Variants in LRP1B observed in about 807,000 individuals in gnomAD.
LRP1B encodes low-density lipoprotein receptor-related protein 1B.
A neutral mutation model predicts 556.6 loss-of-function variants in LRP1B; 217 were observed. The ratio of observed to expected loss-of-function variants is 0.39; its 90% CI spans 0.35 to 0.44. The LOEUF (loss-of-function observed/expected upper bound fraction) is 0.44, where lower values mean the gene tolerates loss of function less well. Ranked by LOEUF, LRP1B falls within the 20% of genes least tolerant of loss-of-function variation. The pLI is 1.00. For synonymous variants in LRP1B, 2,047 were observed against 1,865.8 expected (o/e 1.10, Z -2.50); for missense variants, 5,053 against 5,620.8 (o/e 0.90, Z 3.23).
At chr2:141,023,774 A>G (rs1025553654) in intron 11 of LRP1B, among the ~76,000 whole-genome samples, 4 of 152,196 alleles carry the variant, frequency 2.6e-5, no homozygotes, top group Admixed American at 6.6e-5. Context: ...TTTGAGGCAT[A>G]TAATAAGAAA....
chr2:141,381,016 G>C (rs117171315), intron 3 of LRP1B, among the ~76,000 whole-genome samples: 7,355 of 152,076 alleles, frequency 0.048, 213 homozygotes, highest in South Asian at 0.08. Flanking sequence ...GAGTTAGTTA[G>C]TCAAGAAAAG....
rs776159538 is a variant in LRP1B at position 140,601,534 on chromosome 2, C to A, written c.6905G>T (p.Arg2302Leu). Residue 2302 changes from arginine to leucine, a missense_variant, in exon 42 of 91, where the codon CGG becomes CTG. Coordinates refer to ENST00000389484, the MANE Select transcript of LRP1B (RefSeq NM_018557.3). ...SITRHTVDQTRPGAFDREAVI... is the reference protein window; with the variant it reads ...SITRHTVDQTLPGAFDREAVI... ...AGCTTCCCTGTCAAATGCTCCAGGC[C>A]GAGTCTGGTCCACAGTGTGTCTGGT... The A allele has an allele frequency of 6.2e-7, 1 of 1,613,056 alleles. No homozygotes were observed. The highest frequency in any genetic ancestry group is 8.5e-7 in the Non-Finnish European group (1 of 1,179,428).
intron 52 of LRP1B, among the ~76,000 whole-genome samples, chr2:140,509,602 G>C (rs1396533788): frequency 6.6e-6 from 1 of 152,112 alleles, no homozygotes; most frequent in Non-Finnish European, 1.5e-5. Flanking sequence ...GGTGGACGAC[G>C]CAAAAGAGAA....
intron 3 of LRP1B, among the ~76,000 whole-genome samples, chr2:141,301,983 G>C (rs939823888): frequency 6.6e-6 from 1 of 151,918 alleles, no homozygotes; most frequent in Non-Finnish European, 1.5e-5. Flanking sequence ...GAGTATAAAA[G>C]GGAGAAAACA....
At chr2:141,930,949 A>G (rs1039639529) in intron 1 of LRP1B, among the ~76,000 whole-genome samples, 3 of 152,026 alleles carry the variant, frequency 2.0e-5, no homozygotes, top group Non-Finnish European at 4.4e-5. Context: ...CACTCCTTTC[A>G]GTTTCCTAGA....
In LRP1B at chr2:141,685,376, T is replaced by C. The variant is rs145928534; in HGVS notation, c.205+124903A>G. On this transcript the variant is annotated intron_variant, in intron 2 of 90. Coordinates refer to ENST00000389484, the MANE Select transcript of LRP1B (RefSeq NM_018557.3). The stretch of plus-strand genomic sequence containing the variant: ...GGACTTTAAATTGATGATGTCGTAA[T>C]TGGATTGAGATTTTTGCAAATGTTG... Among the ~76,000 whole-genome samples, 526 of 152,150 alleles carry C rather than the reference T, an allele frequency of 3.5e-3. 1 individual carries two copies. Among genetic ancestry groups the C allele is most frequent in the Middle Eastern group, 0.01 (3 of 294 alleles).
chr2:141,285,239 C>T (rs1006509898), intron 3 of LRP1B, among the ~76,000 whole-genome samples: 1 of 147,508 alleles, frequency 6.8e-6, no homozygotes, highest in Non-Finnish European at 1.5e-5. Flanking sequence ...GTGGCAAGCG[C>T]CACATGCCCG....
intron 49 of LRP1B, among the ~76,000 whole-genome samples, chr2:140,518,855 A>T (rs1429150087): frequency 2.0e-5 from 3 of 152,200 alleles, no homozygotes; most frequent in Non-Finnish European, 2.9e-5. Flanking sequence ...TTTTCTAAAT[A>T]TACAATCACG....
intron 1 of LRP1B, among the ~76,000 whole-genome samples, chr2:141,956,743 C>T (rs1365952324): frequency 6.6e-6 from 1 of 152,030 alleles, no homozygotes; most frequent in Non-Finnish European, 1.5e-5. Flanking sequence ...AAGCACTTAG[C>T]TTCGTGCTTT....
At chr2:141,884,979 A>T (rs890645458) in intron 1 of LRP1B, among the ~76,000 whole-genome samples, 3 of 152,196 alleles carry the variant, frequency 2.0e-5, no homozygotes, top group Non-Finnish European at 4.4e-5. Flanking sequence ...TACAAGGTCA[A>T]TGTGTTATGC....
intron 3 of LRP1B, among the ~76,000 whole-genome samples, chr2:141,318,963 CT>C (rs1687128602): frequency 6.6e-6 from 1 of 151,882 alleles, no homozygotes; most frequent in Non-Finnish European, 1.5e-5. Context: ...TTACTATAGC[CT>C]TCTTCATAAT....
At chr2:141,174,788 A>C (rs1196396555) in intron 7 of LRP1B, among the ~76,000 whole-genome samples, 2 of 152,116 alleles carry the variant, frequency 1.3e-5, no homozygotes, top group African/African-American at 4.8e-5. Flanking sequence ...TCAGAGGTTG[A>C]AACAGTTTAG....
intron 8 of LRP1B, among the ~76,000 whole-genome samples, chr2:141,061,776 C>A (rs988335309): frequency 4.0e-5 from 6 of 151,572 alleles, no homozygotes; most frequent in Admixed American, 4.0e-4. Context: ...TTCTTTCTTG[C>A]GAATATAGCA....
chr2:140,745,199 C>T (rs986498674), intron 35 of LRP1B, among the ~76,000 whole-genome samples: 13 of 151,914 alleles, frequency 8.6e-5, no homozygotes, highest in Admixed American at 2.6e-4. Flanking sequence ...GGTATTCTTT[C>T]CAAAACACCA....
intron 7 of LRP1B, among the ~76,000 whole-genome samples, chr2:141,150,885 G>GTGTGTGTGTA (rs1701906969): frequency 1.4e-5 from 2 of 147,560 alleles, no homozygotes; most frequent in Admixed American, 6.8e-5. Flanking sequence ...GTGTGTGTGT[G>GTGTGTGTGTA]TGTGTGTGTG....
At chr2:140,468,828 G>T (rs1687651193) in intron 60 of LRP1B, among the ~76,000 whole-genome samples, 1 of 152,150 alleles carries the variant, frequency 6.6e-6, no homozygotes, top group Admixed American at 6.5e-5. Flanking sequence ...TTTGGTGTTT[G>T]GTCAGAATCC....
intron 23 of LRP1B, among the ~76,000 whole-genome samples, chr2:140,890,696 T>A (rs1693772201): frequency 6.6e-6 from 1 of 152,048 alleles, no homozygotes; most frequent in Non-Finnish European, 1.5e-5. Flanking sequence ...AGATCTATGT[T>A]GACTTATTAG....
chr2:141,276,990 T>C (rs1016711373), intron 3 of LRP1B, among the ~76,000 whole-genome samples: 1 of 152,190 alleles, frequency 6.6e-6, no homozygotes, highest in South Asian at 2.1e-4. Context: ...TATGTATACA[T>C]AGTATTCCAT....
chr2:141,196,455 T>C (rs891679686), intron 6 of LRP1B, among the ~76,000 whole-genome samples: 13 of 152,066 alleles, frequency 8.5e-5, no homozygotes, highest in African/African-American at 3.1e-4. Context: ...TCTCCCCTCA[T>C]CCTCCCACAA....
Sources: allele counts gnomAD v4.1 joint callset (sites outside exome capture counted in the v4.1 genomes callset), GRCh38; gene constraint gnomAD v4.1.1; transcripts MANE v1.5; gene names NCBI Gene and HGNC (gene_info 2026-07-23, HGNC 2026-07-21).